GMCL1: variants seen among roughly 807,000 people sequenced by gnomAD.
GMCL1 encodes the protein germ cell-less 1, spermatogenesis associated, also known as germ cell-less protein-like 1.
In GMCL1, 54 loss-of-function variants were observed where a neutral mutation model predicts 75.5. That is an observed-to-expected ratio of 0.71 (90% CI 0.57 to 0.90). GMCL1 has a LOEUF of 0.90. Ranked by LOEUF, GMCL1 falls within the 40% of genes least tolerant of loss-of-function variation. The probability of loss-of-function intolerance (pLI) is 0.00; values close to 1 mark genes in which losing one functional copy is unlikely to be tolerated. For missense variants in GMCL1, 537 were observed against 622.7 expected (o/e 0.86, Z 1.47); for synonymous variants, 210 against 209.6 (o/e 1.00, Z -0.02).
intron 8 of GMCL1, among the ~76,000 whole-genome samples, chr2:69,852,322 C>G (rs1228548207): frequency 1.3e-5 from 2 of 152,328 alleles, no homozygotes; most frequent in South Asian, 4.1e-4. Context: ...CTCTCCCTCC[C>G]AGCCCCTGAG....
At chr2:69,848,408 T>C (rs772934776) in intron 7 of GMCL1, among the ~76,000 whole-genome samples, 11 of 152,206 alleles carry the variant, frequency 7.2e-5, no homozygotes, top group Non-Finnish European at 7.3e-5. Flanking sequence ...TCCAATCTTT[T>C]AAAAAATTGG....
At chr2:69,875,317 T>C (rs1676098926) in intron 13 of GMCL1, among the ~76,000 whole-genome samples, 1 of 152,232 alleles carries the variant, frequency 6.6e-6, no homozygotes, top group Admixed American at 6.5e-5. Flanking sequence ...CTGGACTTTT[T>C]GTTTTATTGA....
chr2:69,855,322 G>C (rs1018782054), intron 9 of GMCL1, among the ~76,000 whole-genome samples: 1 of 151,348 alleles, frequency 6.6e-6, no homozygotes, highest in African/African-American at 2.4e-5. Context: ...CCTTAAATTT[G>C]TTTATTTTGA....
Position 69,843,194 on chromosome 2 carries a change from A to G in GMCL1, c.625A>G (p.Asn209Asp), listed in dbSNP as rs1255995416. ...QCGETMKETV[N>D]VKTVCGYYTS... is the part of the protein sequence containing the mutation. ...TGGTGAGACAATGAAGGAAACAGTT[A>G]ATGTGAAAACTGTATGTGGCTATTA... Residue 209 changes from asparagine to aspartate, a missense_variant, in exon 5 of 14, where the codon AAT becomes GAT. This residue lies in a region of GMCL1 where 345 missense variants were observed against 410.5 expected (regional missense o/e 0.84). Transcript: ENST00000282570. 2 of 1,612,434 alleles carry G rather than the reference A, an allele frequency of 1.2e-6. No homozygotes were observed. Among genetic ancestry groups the G allele is most frequent in the Non-Finnish European group, 1.7e-6 (2 of 1,178,710 alleles).
chr2:69,849,485 T>C (rs1213808435), intron 7 of GMCL1, among the ~76,000 whole-genome samples, 167 bp from the exon 8 acceptor site: 1 of 152,228 alleles, frequency 6.6e-6, no homozygotes, highest in Non-Finnish European at 1.5e-5. Flanking sequence ...GATAATGCCA[T>C]GATAAATTGA....
At chr2:69,847,687 G>T (rs1675195052) in intron 7 of GMCL1, 60 bp downstream of exon 7, 1 of 984,734 alleles carries the variant, frequency 1.0e-6, no homozygotes, top group East Asian at 2.5e-5. Context: ...TGCGTATAAT[G>T]GTGAAAAACT....
At position 69,837,607 on chromosome 2, in the gene GMCL1, C is replaced by G. The variant is rs1416442700; in HGVS notation, c.321C>G (p.Asn107Lys). The G allele has an allele frequency of 6.2e-7, 1 of 1,604,668 alleles. No individual in the cohort carries two copies. The highest frequency in any genetic ancestry group is 1.1e-5 in the South Asian group (1 of 88,634). Residue 107 changes from asparagine to lysine, a missense_variant, in exon 2 of 14, where the codon AAC becomes AAG. Asn to Lys is a moderately conservative substitution (Grantham distance 94, BLOSUM62 0). Around this residue, in one of 3 missense-constraint regions of GMCL1, gnomAD observed 48 missense variants for 85.0 expected, o/e 0.56. Transcript: ENST00000282570. ...IYQTLFLNGE[N>K]SDIKICALGE... is the part of the protein sequence containing the mutation. ...AAACATTATTTTTGAATGGTGAAAA[C>G]AGTGACATTAAGATTTGTGCTCTAG...
intron 2 of GMCL1, among the ~76,000 whole-genome samples, chr2:69,839,130 G>C (rs1423436485): frequency 7.6e-6 from 1 of 131,448 alleles, no homozygotes; most frequent in Non-Finnish European, 1.5e-5. Flanking sequence ...TAGCCATTCA[G>C]GTGTACAGTA....
At chr2:69,874,733 A>G (rs1006278017) in intron 13 of GMCL1, among the ~76,000 whole-genome samples, 7 of 148,130 alleles carry the variant, frequency 4.7e-5, no homozygotes, top group Admixed American at 2.0e-4. Context: ...GTGATACTCT[A>G]TAGTTTTTAC....
intron 1 of GMCL1, among the ~76,000 whole-genome samples, chr2:69,834,831 G>A (rs368155906): frequency 7.9e-5 from 12 of 151,634 alleles, no homozygotes; most frequent in African/African-American, 2.4e-4. Context: ...TTCTTTCTGG[G>A]ATGCCTCTTA....
At chr2:69,840,901 T>TATAAATATTATTTCATC (rs1674964542) in intron 3 of GMCL1, 41 bp from the exon 4 acceptor site, 2 of 1,333,504 alleles carry the variant, frequency 1.5e-6, no homozygotes, top group African/African-American at 2.9e-5. Flanking sequence ...TTGTAATAGA[T>TATAAATATTATTTCATC]ATAAATATTA....
At chr2:69,848,322 CTTTG>C (rs374345874) in intron 7 of GMCL1, among the ~76,000 whole-genome samples, 17 of 133,106 alleles carry the variant, frequency 1.3e-4, no homozygotes, top group African/African-American at 3.4e-4. Context: ...CATAGGGACT[CTTTG>C]TTTGTTTGTT....
At chr2:69,847,703 C>G in intron 7 of GMCL1, 76 bp downstream of exon 7, 1 of 798,754 alleles carries the variant, frequency 1.3e-6, no homozygotes, top group Non-Finnish European at 2.1e-6. Flanking sequence ...AAACTGGAAA[C>G]AGTATCCAGT....
At chr2:69,845,510 A>G (rs903620255) in intron 6 of GMCL1, among the ~76,000 whole-genome samples, 30 of 152,202 alleles carry the variant, frequency 2.0e-4, no homozygotes, top group Admixed American at 1.7e-3. Flanking sequence ...TCCTGAGCTC[A>G]AGCAGTCCTC....
chr2:69,862,504 A>C (rs1354037815), intron 10 of GMCL1, among the ~76,000 whole-genome samples: 5 of 152,178 alleles, frequency 3.3e-5, no homozygotes, highest in Non-Finnish European at 4.4e-5. Context: ...TCACACCTGT[A>C]ATCCCAGCAC....
At chr2:69,852,000 A>G (rs1164248290) in intron 8 of GMCL1, among the ~76,000 whole-genome samples, 2 of 152,224 alleles carry the variant, frequency 1.3e-5, no homozygotes, top group African/African-American at 2.4e-5. Context: ...CTTGTATCTT[A>G]AATTATACTT....
Position 69,880,801 on chromosome 2 carries a change from T to G in GMCL1, c.*1797T>G, listed in dbSNP as rs530093716. The stretch of plus-strand genomic sequence containing the variant: ...AGGCAGAGGTTGCAGTGAGTGGAGA[T>G]TGCGCCATTGCACTCCAACCTAGGC... On this transcript the variant is annotated 3_prime_UTR_variant, in exon 14 of 14. Coordinates refer to ENST00000282570, the MANE Select transcript of GMCL1 (RefSeq NM_178439.5). The G allele has an allele frequency of 6.8e-6, 1 of 147,816 alleles. No homozygotes were observed. The highest frequency in any genetic ancestry group is 1.5e-5 in the Non-Finnish European group (1 of 67,736). The allele number at this position is 147,816 out of a possible 1,614,324, so 9.2% of individuals were successfully genotyped here. A position where few individuals can be genotyped will look rare whatever the true frequency, so the allele number is the denominator to read the frequency against.
At chr2:69,842,176 A>T (rs917051001) in intron 4 of GMCL1, among the ~76,000 whole-genome samples, 1 of 152,204 alleles carries the variant, frequency 6.6e-6, no homozygotes, top group South Asian at 2.1e-4. Context: ...TGGAGGGGAA[A>T]AAGTGGATAC....
intron 1 of GMCL1, among the ~76,000 whole-genome samples, chr2:69,835,988 T>C (rs544479865): frequency 1.3e-5 from 2 of 152,318 alleles, no homozygotes; most frequent in South Asian, 4.1e-4. Context: ...ATTAGCTTTG[T>C]GCTATTTCTA....
Sources: gnomAD v4.1 joint callset for allele counts (sites outside exome capture counted in the v4.1 genomes callset) on GRCh38, gnomAD v4.1.1 for gene constraint, gnomAD v4.1.1 regional missense constraint, MANE v1.5 for transcripts, NCBI Gene and HGNC (gene_info 2026-07-23, HGNC 2026-07-21) for gene names.